The following NEK9 variants were observed in gnomAD, a reference collection of about 807,000 sequenced individuals.
NEK9 encodes serine/threonine-protein kinase Nek9.
In NEK9, 75 loss-of-function variants were observed where a neutral mutation model predicts 123.4. The observed-to-expected ratio is 0.61, with a 90% CI of 0.50 to 0.74. NEK9 has a LOEUF of 0.74. NEK9 is among the 30% of genes least tolerant of loss of function. The pLI, the probability that NEK9 is intolerant of heterozygous loss-of-function variation, is 0.00. For missense variants in NEK9, 952 were observed against 1,214.4 expected (o/e 0.78, Z 3.21); for synonymous variants, 438 against 458.7 (o/e 0.95, Z 0.58).
Position 75,109,709 on chromosome 14 carries a change from C to A in NEK9, c.1158G>T (p.Val386=), listed in dbSNP as rs765698853. The A allele has an allele frequency of 1.2e-5, 20 of 1,613,766 alleles. No individual in the cohort carries two copies. The highest frequency in any genetic ancestry group is 2.7e-5 in the African/African-American group (2 of 74,906). Residue 386 remains valine, a synonymous_variant, in exon 10 of 22, where the codon GTG becomes GTT. Coordinates refer to ENST00000238616, the MANE Select transcript of NEK9 (RefSeq NM_033116.6). ...AGNTHFAVVT[V]EKELYTWVNM... is the part of the protein sequence containing the mutation. ...CCACCCAAGTGTACAGTTCCTTCTC[C>A]ACTGTGACCACAGCAAAGTGGGTAT...
chr14:75,101,811 C>T (rs199680024), intron 14 of NEK9, 46 bp from the exon 15 acceptor site: 20 of 1,398,978 alleles, frequency 1.4e-5, no homozygotes, highest in East Asian at 6.9e-5. Flanking sequence ...GTAAGAAAAT[C>T]GAAGGAAAAT....
At chr14:75,127,145 AG>A (rs1895570954), upstream of NEK9, 2 of 474,656 alleles carry the variant, frequency 4.2e-6, no homozygotes, top group Admixed American at 8.8e-5. Context: ...CTAGCGGCCA[AG>A]GCTTCCCGCT....
intron 18 of NEK9, among the ~76,000 whole-genome samples, chr14:75,093,042 G>A (rs992271670): frequency 6.6e-6 from 1 of 152,128 alleles, no homozygotes; most frequent in Non-Finnish European, 1.5e-5. Flanking sequence ...TTTAACATAC[G>A]TGTAAATTTT....
chr14:75,117,007 G>A (rs915504110), intron 6 of NEK9, among the ~76,000 whole-genome samples, 188 bp downstream of exon 6: 1 of 152,178 alleles, frequency 6.6e-6, no homozygotes, highest in Non-Finnish European at 1.5e-5. Context: ...AAAATGCTGG[G>A]ATTACAGGCG....
chr14:75,101,327 T>G (rs1894572654), intron 15 of NEK9, among the ~76,000 whole-genome samples, 174 bp from the exon 16 acceptor site: 1 of 152,118 alleles, frequency 6.6e-6, no homozygotes, highest in Admixed American at 6.6e-5. Flanking sequence ...TATAACCAAT[T>G]AGATCCAGTC....
At chr14:75,108,238 C>T (rs1178315385) in intron 10 of NEK9, among the ~76,000 whole-genome samples, 5 of 151,894 alleles carry the variant, frequency 3.3e-5, no homozygotes. Context: ...GATTCTCCTG[C>T]CTCAGCCTCC....
chr14:75,109,102 G>C (rs1354282686), intron 10 of NEK9, among the ~76,000 whole-genome samples: 1 of 152,202 alleles, frequency 6.6e-6, no homozygotes, highest in Non-Finnish European at 1.5e-5. Context: ...TTTCAATTGA[G>C]TGGCAGTGGC....
At chr14:75,113,257 C>T in intron 8 of NEK9, 82 bp downstream of exon 8, 1 of 1,063,432 alleles carries the variant, frequency 9.4e-7, no homozygotes, top group Non-Finnish European at 1.4e-6. Flanking sequence ...GGAAACACTA[C>T]TCTTTCTTTT....
chr14:75,100,053 C>T lies in NEK9; in HGVS notation c.2002+939G>A, dbSNP rs145628284. On this transcript the variant is annotated intron_variant, in intron 16 of 21. Transcript: ENST00000238616. ...CTGAGGCACAAGAATCACTTGAACC[C>T]GGGAGGTGGAGGTTGCAGTGAGCCA... Among the ~76,000 whole-genome samples, 263 of 127,196 alleles carry T rather than the reference C, an allele frequency of 2.1e-3. 1 individual carries two copies. Among genetic ancestry groups the T allele is most frequent in the African/African-American group, 6.9e-3 (240 of 34,654 alleles). 83.4% of individuals were successfully genotyped at this position (127,196 alleles called of 152,430 possible).
chr14:75,085,536 A>G (rs923067332), intron 21 of NEK9, among the ~76,000 whole-genome samples: 6 of 152,210 alleles, frequency 3.9e-5, no homozygotes, highest in African/African-American at 1.4e-4. Context: ...ATCACCTTTG[A>G]AGTATTTTCA....
Position 75,083,312 on chromosome 14 carries a change from G to T in NEK9, c.*1252C>A, listed in dbSNP as rs770918310. ...AATACTTGCCTAGAACTTTCTATAT[G>T]AAGTTTTGTTCTTCTATGACACTAT... On this transcript the variant is annotated 3_prime_UTR_variant, in exon 22 of 22. Transcript: ENST00000238616. 5 of 387,012 alleles carry T rather than the reference G, an allele frequency of 1.3e-5. No homozygotes were observed. The highest frequency in any genetic ancestry group is 4.5e-5 in the Admixed American group (1 of 22,356). 24.0% of individuals were successfully genotyped at this position (387,012 alleles called of 1,614,324 possible).
rs1432198967 is a variant in NEK9, at chr14:75,120,995, G to T, written c.453+124C>A. On this transcript the variant is annotated intron_variant, in intron 3 of 21. Transcript: ENST00000238616. ...GGTTTCCTTTCTCATGAATATCAGA[G>T]CCTGGAAGGAGTCTGAACAAAAGGA... is the stretch of plus-strand genomic sequence containing the variant. The T allele has an allele frequency of 6.3e-6, 5 of 797,710 alleles. No individual in the cohort carries two copies. The East Asian group carries it at 1.0e-4, about 17-fold the overall frequency. 49.4% of individuals were successfully genotyped at this position (797,710 alleles called of 1,614,324 possible).
At chr14:75,120,709 C>G in intron 3 of NEK9, 129 bp from the exon 4 acceptor site, 1 of 718,484 alleles carries the variant, frequency 1.4e-6, no homozygotes, top group East Asian at 2.7e-5. Flanking sequence ...CTTGACATCT[C>G]TTCCTTGCAG....
chr14:75,101,812 G>T, intron 14 of NEK9, 47 bp from the exon 15 acceptor site: 1 of 1,390,992 alleles, frequency 7.2e-7, no homozygotes, highest in South Asian at 1.2e-5. Flanking sequence ...TAAGAAAATC[G>T]AAGGAAAATC....
Position 75,107,405 on chromosome 14 carries a change from T to G in NEK9, c.1265A>C (p.Lys422Thr). ...ASYRQPKHVEKLQGKAIRQVS... is the reference protein window; with the variant it reads ...ASYRQPKHVETLQGKAIRQVS... ...CTGACGGATAGCTTTGCCTTGCAAC[T>G]TTTCCACATGCTTTGGCTGTCGATA... Residue 422 changes from lysine to threonine, a missense_variant, in exon 11 of 22, where the codon AAG becomes ACG. Transcript: ENST00000238616. The G allele has an allele frequency of 6.2e-7, 1 of 1,613,840 alleles. No individual in the cohort carries two copies. Among genetic ancestry groups the G allele is most frequent in the Non-Finnish European group, 8.5e-7 (1 of 1,179,880 alleles).
intron 3 of NEK9, 96 bp from the exon 4 acceptor site, chr14:75,120,676 C>T: frequency 1.1e-6 from 1 of 907,328 alleles, no homozygotes. Flanking sequence ...AAAACTGCAA[C>T]CAGAAGTTAT....
intron 2 of NEK9, among the ~76,000 whole-genome samples, chr14:75,122,784 C>A (rs1895381316): frequency 6.7e-6 from 1 of 148,402 alleles, no homozygotes; most frequent in South Asian, 2.1e-4. Flanking sequence ...AGCCACCACG[C>A]CCAGCTTTTT....
chr14:75,113,039 GAGTCCAGA>G (rs1895008691), intron 8 of NEK9, among the ~76,000 whole-genome samples: 1 of 152,170 alleles, frequency 6.6e-6, no homozygotes, highest in Non-Finnish European at 1.5e-5. Context: ...AAGGATGTCT[GAGTCCAGA>G]CACCCCTCTT....
intron 6 of NEK9, 36 bp from the exon 7 acceptor site, chr14:75,114,349 T>C: frequency 2.0e-6 from 3 of 1,505,570 alleles, no homozygotes; most frequent in South Asian, 2.3e-5. Flanking sequence ...TTCCTGGTTA[T>C]ATAAAGATGA....
Sources: gnomAD v4.1 joint callset for allele counts (sites outside exome capture counted in the v4.1 genomes callset) on GRCh38, gnomAD v4.1.1 for gene constraint, MANE v1.5 for transcripts, NCBI Gene and HGNC (gene_info 2026-07-23, HGNC 2026-07-21) for gene names.